SVEP1: variants seen among roughly 807,000 people sequenced by gnomAD.
SVEP1 encodes the protein sushi, von Willebrand factor type A, EGF and pentraxin domain containing 1.
In SVEP1, 164 loss-of-function variants were observed where a neutral mutation model predicts 367.3. The ratio of observed to expected loss-of-function variants is 0.45; its 90% CI spans 0.39 to 0.51. The LOEUF (loss-of-function observed/expected upper bound fraction) is 0.51. Ranked by LOEUF, SVEP1 falls within the 20% of genes least tolerant of loss-of-function variation. SVEP1 has a pLI of 0.00. For synonymous variants in SVEP1, 1,666 were observed against 1,611.6 expected (o/e 1.03, Z -0.81); for missense variants, 4,117 against 4,425.3 (o/e 0.93, Z 1.98).
Position 110,466,760 on chromosome 9 carries a change from C to CAAAAAAAAAAAAAAA in SVEP1, c.3161-749_3161-735dup, listed in dbSNP as rs71371670. 1.3e-3 allele frequency among the ~76,000 whole-genome samples: 62 copies of CAAAAAAAAAAAAAAA among 46,376 alleles called. 14 individuals carry two copies. Among genetic ancestry groups the CAAAAAAAAAAAAAAA allele is most frequent in the East Asian group, 3.6e-3 (4 of 1,106 alleles). 30.4% of individuals were successfully genotyped at this position (46,376 alleles called of 152,430 possible). The stretch of plus-strand genomic sequence containing the variant: ...TGGGCGACAGAGCGAGACTCCATCT[C>CAAAAAAAAAAAAAAA]AAAAAAAAAAAAAAAAAAGAACTGG... On this transcript the variant is annotated intron_variant, in intron 17 of 47. Transcript: ENST00000374469.
At chr9:110,456,836 A>G (rs1828783211) in intron 21 of SVEP1, among the ~76,000 whole-genome samples, 2 of 152,230 alleles carry the variant, frequency 1.3e-5, no homozygotes, top group Non-Finnish European at 2.9e-5. Context: ...AAAGATAGAA[A>G]CAAAGCATAG....
At chr9:110,483,479 C>A in intron 10 of SVEP1, 107 bp downstream of exon 10, 1 of 597,804 alleles carries the variant, frequency 1.7e-6, no homozygotes, top group Non-Finnish European at 2.8e-6. Context: ...TTCATTCTCC[C>A]TAGACAGTTG....
At chr9:110,491,197 A>G (rs1588078741) in intron 8 of SVEP1, among the ~76,000 whole-genome samples, 1 of 151,950 alleles carries the variant, frequency 6.6e-6, no homozygotes, top group Non-Finnish European at 1.5e-5. Context: ...GATTTCTGAT[A>G]GAACCAGTTG....
At chr9:110,528,210 A>G (rs1029551715) in intron 3 of SVEP1, among the ~76,000 whole-genome samples, 1 of 124,306 alleles carries the variant, frequency 8.0e-6, no homozygotes, top group African/African-American at 3.1e-5. Flanking sequence ...TTAGCCACTC[A>G]TCAATTGATG....
Position 110,502,484 on chromosome 9 carries a change from A to G in SVEP1, c.1483+554T>C, listed in dbSNP as rs529582819. Among the ~76,000 whole-genome samples, 101 of 152,208 alleles carry G rather than the reference A, an allele frequency of 6.6e-4. 3 individuals are homozygous for G. The highest frequency in any genetic ancestry group is 2.4e-3 in the African/African-American group (98 of 41,550). The stretch of plus-strand genomic sequence containing the variant: ...TTATTTAAAGCTTTGCTTCTTAACC[A>G]TTCTCCTGCATCCATTCTCCCTTTA... On this transcript the variant is annotated intron_variant, in intron 6 of 47. Coordinates refer to ENST00000374469, the MANE Select transcript of SVEP1 (RefSeq NM_153366.4).
At chr9:110,427,328 A>G (rs1828269448) in intron 36 of SVEP1, among the ~76,000 whole-genome samples, 1 of 149,272 alleles carries the variant, frequency 6.7e-6, no homozygotes, top group South Asian at 2.1e-4. Flanking sequence ...AAAAAAAAGT[A>G]TAATATGAAG....
chr9:110,550,589 T>G (rs1464508523), intron 1 of SVEP1, among the ~76,000 whole-genome samples: 1 of 152,074 alleles, frequency 6.6e-6, no homozygotes, highest in East Asian at 1.9e-4. Flanking sequence ...GGGAAGGAAA[T>G]TTAACAGAAC....
At chr9:110,399,515 A>T (rs891028997) in intron 40 of SVEP1, among the ~76,000 whole-genome samples, 2 of 152,076 alleles carry the variant, frequency 1.3e-5, no homozygotes, top group African/African-American at 4.8e-5. Flanking sequence ...AGAAAAAAGA[A>T]AACTGGTGAT....
chr9:110,368,447 C>G (rs938375683), intron 47 of SVEP1, among the ~76,000 whole-genome samples: 1 of 152,100 alleles, frequency 6.6e-6, no homozygotes, highest in Admixed American at 6.5e-5. Context: ...TCTTGGATGC[C>G]TATATCAAAC....
At chr9:110,471,221 G>T in intron 16 of SVEP1, 143 bp downstream of exon 16, 1 of 683,212 alleles carries the variant, frequency 1.5e-6, no homozygotes, top group Non-Finnish European at 2.4e-6. Flanking sequence ...AGACTCTTGA[G>T]ACAAAATAGT....
chr9:110,409,712 A>G (rs1401439730), intron 37 of SVEP1, among the ~76,000 whole-genome samples: 2 of 152,238 alleles, frequency 1.3e-5, no homozygotes, highest in Non-Finnish European at 2.9e-5. Context: ...TAAGAATACT[A>G]TCAAAATTTT....
intron 1 of SVEP1, among the ~76,000 whole-genome samples, chr9:110,573,610 G>A (rs901839539): frequency 2.0e-5 from 3 of 151,984 alleles, no homozygotes; most frequent in African/African-American, 4.8e-5. Flanking sequence ...TTTGTTTAAC[G>A]GATATTTAGC....
chr9:110,468,317 T>C (rs1031927696), intron 17 of SVEP1, among the ~76,000 whole-genome samples: 5 of 152,256 alleles, frequency 3.3e-5, no homozygotes, highest in Admixed American at 2.6e-4. Context: ...CTGTATACTA[T>C]TGTTTCATTT....
chr9:110,579,592 C>T lies in SVEP1; in HGVS notation c.-49G>A, dbSNP rs1323171642. ...CCCGGAGCGCAGGCGGCGGCTCGGG[C>T]GGGAAGAGGCGCTGGGCGGCCGGAC... is the stretch of plus-strand genomic sequence containing the variant. On this transcript the variant is annotated 5_prime_UTR_variant, in exon 1 of 48. Coordinates refer to ENST00000374469, the MANE Select transcript of SVEP1 (RefSeq NM_153366.4). This position sits in a 1 kb window ranked among gnomAD's most constrained non-coding sequence, Gnocchi z 5.3. The T allele has an allele frequency of 4.0e-6, 6 of 1,502,266 alleles. No homozygotes were observed. The highest frequency in any genetic ancestry group is 4.6e-5 in the Admixed American group (2 of 43,520). The allele number at this position is 1,502,266 out of a possible 1,614,324, so 93.1% of individuals were successfully genotyped here.
intron 3 of SVEP1, among the ~76,000 whole-genome samples, chr9:110,543,061 C>A (rs1476551980): frequency 6.6e-6 from 1 of 151,448 alleles, no homozygotes; most frequent in Non-Finnish European, 1.5e-5. Flanking sequence ...GCTAAGATTT[C>A]TTTCTGCCTT....
Position 110,400,907 on chromosome 9 carries a change from A to G in SVEP1, c.9769T>C (p.Tyr3257His), listed in dbSNP as rs1289480682. Residue 3257 changes from tyrosine to histidine, a missense_variant, in exon 40 of 48, where the codon TAC becomes CAC. Physicochemically the swap from Tyr to His is moderately conservative, Grantham distance 83. This residue lies in a region of SVEP1 where 1,765 missense variants were observed against 1,781.1 expected (regional missense o/e 0.99). Transcript: ENST00000374469. ...TAAATAATTGTGCTTTCAAAGGTGT[A>G]TTTACTGCCAACCACAAATCCATGT... Reference protein sequence around the residue: ...PEHGFVVGSKYTFESTIIYQC... With the variant: ...PEHGFVVGSKHTFESTIIYQC... The G allele has an allele frequency of 6.2e-7, 1 of 1,613,916 alleles. No individual in the cohort carries two copies. The highest frequency in any genetic ancestry group is 8.5e-7 in the Non-Finnish European group (1 of 1,179,840).
At chr9:110,427,231 G>T (rs1176980288) in intron 36 of SVEP1, among the ~76,000 whole-genome samples, 1 of 149,086 alleles carries the variant, frequency 6.7e-6, no homozygotes, top group African/African-American at 2.5e-5. Flanking sequence ...CTGGGAGGTG[G>T]AGATTGCAGT....
chr9:110,475,684 T>G (rs1389287192), intron 14 of SVEP1, among the ~76,000 whole-genome samples: 1 of 152,016 alleles, frequency 6.6e-6, no homozygotes, highest in Non-Finnish European at 1.5e-5. Flanking sequence ...TACAGGTGTG[T>G]GCCACCATGC....
intron 36 of SVEP1, among the ~76,000 whole-genome samples, chr9:110,417,103 G>A (rs1245611152): frequency 1.3e-5 from 2 of 152,014 alleles, no homozygotes; most frequent in Admixed American, 6.5e-5. Flanking sequence ...AAAAATTGGA[G>A]GAGGAGGAGC....
Sources: gnomAD v4.1 joint callset for allele counts (sites outside exome capture counted in the v4.1 genomes callset) on GRCh38, gnomAD v4.1.1 for gene constraint, gnomAD v4.1.1 regional missense constraint, Gnocchi (gnomAD v3.1) non-coding constraint, MANE v1.5 for transcripts, NCBI Gene and HGNC (gene_info 2026-07-23, HGNC 2026-07-21) for gene names.